The following QPCTL variants were observed in gnomAD, a reference collection of about 807,000 sequenced individuals.
QPCTL encodes glutaminyl-peptide cyclotransferase-like protein.
Under a neutral mutation model 34.6 loss-of-function variants are expected in QPCTL, and 31 were observed. The ratio of observed to expected loss-of-function variants is 0.90; its 90% CI spans 0.67 to 1.21. QPCTL has a LOEUF of 1.21. QPCTL is among the 50% of genes most tolerant of loss of function. The pLI is 0.00. For missense variants in QPCTL, 474 were observed against 507.8 expected (o/e 0.93, Z 0.64); for synonymous variants, 223 against 226.9 (o/e 0.98, Z 0.15).
Position 45,703,808 on chromosome 19 carries a change from C to T in QPCTL, c.*759C>T, listed in dbSNP as rs1967852191. 1 of 151,876 alleles carries T rather than the reference C, an allele frequency of 6.6e-6. No homozygotes were observed. Among genetic ancestry groups the T allele is most frequent in the African/African-American group, 2.4e-5 (1 of 41,368 alleles). The allele number at this position is 151,876 out of a possible 1,614,324, so 9.4% of individuals were successfully genotyped here. A position where few individuals can be genotyped will look rare whatever the true frequency, so the allele number is the denominator to read the frequency against. On this transcript the variant is annotated 3_prime_UTR_variant, in exon 7 of 7. Transcript: ENST00000012049. ...TCTCTACTAAAAATACAATAATTAG[C>T]TGGGCATGGTGGTGGGCGCCTGTAA... is the stretch of plus-strand genomic sequence containing the variant.
At chr19:45,698,206 C>T (rs1259826426) in intron 3 of QPCTL, among the ~76,000 whole-genome samples, 1 of 151,368 alleles carries the variant, frequency 6.6e-6, no homozygotes, top group Admixed American at 6.6e-5. Context: ...GTCAAGATTG[C>T]ATCATTCCAC....
In QPCTL at chr19:45,692,712, C is replaced by T. The variant is rs780880329; in HGVS notation, c.9C>T (p.Ser3=). The change falls in exon 1 of 7, where the codon TCC becomes TCT. Residue 3 remains serine, a synonymous_variant. Transcript: ENST00000012049. MR[S]GGRGRPRLRL... The stretch of plus-strand genomic sequence containing the variant: ...TTCAGGGCAAAGCGGCCATGCGTTC[C>T]GGGGGCCGCGGGCGACCCCGCCTGC... The T allele has an allele frequency of 1.0e-5, 16 of 1,547,154 alleles. 1 individual carries two copies. The South Asian group carries it at 1.3e-4, about 13-fold the overall frequency.
At chr19:45,698,038 T>G (rs886887824) in intron 3 of QPCTL, among the ~76,000 whole-genome samples, 2 of 151,540 alleles carry the variant, frequency 1.3e-5, no homozygotes, top group African/African-American at 4.9e-5. Flanking sequence ...AGGTCAGGAG[T>G]TCGAGACCAG....
rs1281740938 is a variant in QPCTL at position 45,692,690 on chromosome 19, A to G, written c.-14A>G. On this transcript the variant is annotated 5_prime_UTR_variant, in exon 1 of 7. Transcript: ENST00000012049. ...CAATCCGTGGTCTGGTACAGGTTTC[A>G]GGGCAAAGCGGCCATGCGTTCCGGG... 1 of 1,525,354 alleles carries G rather than the reference A, an allele frequency of 6.6e-7. No individual in the cohort carries two copies. The highest frequency in any genetic ancestry group is 8.8e-7 in the Non-Finnish European group (1 of 1,134,098). 94.5% of individuals were successfully genotyped at this position (1,525,354 alleles called of 1,614,324 possible). A position where few individuals can be genotyped will look rare whatever the true frequency, so the allele number is the denominator to read the frequency against.
chr19:45,693,687 C>T, intron 2 of QPCTL, 131 bp downstream of exon 2: 3 of 1,297,096 alleles, frequency 2.3e-6, no homozygotes, highest in Non-Finnish European at 3.1e-6. Flanking sequence ...GGACTCTAGA[C>T]TCCATGCTGG....
rs35011463 is a variant in QPCTL at position 45,699,931 on chromosome 19, C to CAAA, written c.886+1049_886+1051dup. Among the ~76,000 whole-genome samples, 247 of 90,040 alleles carry CAAA rather than the reference C, an allele frequency of 2.7e-3. 5 individuals are homozygous for CAAA. Among genetic ancestry groups the CAAA allele is most frequent in the African/African-American group, 0.011 (229 of 20,830 alleles). 59.1% of individuals were successfully genotyped at this position (90,040 alleles called of 152,430 possible). A position where few individuals can be genotyped will look rare whatever the true frequency, so the allele number is the denominator to read the frequency against. ...TGGGCAACAGAGCGAGACTCCATCT[C>CAAA]AAAAAAAAAAAAAAAAAAAATTAGC... is the stretch of plus-strand genomic sequence containing the variant. On this transcript the variant is annotated intron_variant, in intron 5 of 6. Coordinates refer to ENST00000012049, the MANE Select transcript of QPCTL (RefSeq NM_017659.4).
intron 2 of QPCTL, among the ~76,000 whole-genome samples, chr19:45,693,947 T>C (rs899284428): frequency 1.2e-4 from 19 of 152,130 alleles, no homozygotes; most frequent in Admixed American, 1.1e-3. Flanking sequence ...GGTGGAAGAA[T>C]CACCTGAGAA....
intron 3 of QPCTL, among the ~76,000 whole-genome samples, chr19:45,698,012 G>T (rs539771908): frequency 6.6e-6 from 1 of 152,252 alleles, no homozygotes; most frequent in Admixed American, 6.6e-5. Flanking sequence ...GGAGGCTGAG[G>T]TAGGTGGATC....
chr19:45,701,112 G>A (rs928821987), intron 5 of QPCTL, among the ~76,000 whole-genome samples: 13 of 104,696 alleles, frequency 1.2e-4, no homozygotes, highest in South Asian at 3.3e-4. Flanking sequence ...CTACACACAC[G>A]CGCACACACA....
chr19:45,695,903 A>G (rs187669867), intron 3 of QPCTL, among the ~76,000 whole-genome samples, 185 bp downstream of exon 3: 5 of 150,360 alleles, frequency 3.3e-5, no homozygotes, highest in Admixed American at 3.3e-4. Context: ...TGGAGTGCAC[A>G]TGGCGAGATC....
At chr19:45,697,425 CAA>C (rs36004965) in intron 3 of QPCTL, among the ~76,000 whole-genome samples, 9 of 129,544 alleles carry the variant, frequency 6.9e-5, no homozygotes, top group African/African-American at 8.6e-5. Flanking sequence ...GACTCCGTCT[CAA>C]AAAAAAAAAA....
intron 6 of QPCTL, among the ~76,000 whole-genome samples, 159 bp from the exon 7 acceptor site, chr19:45,702,745 C>G (rs1967833601): frequency 6.7e-6 from 1 of 148,860 alleles, no homozygotes; most frequent in African/African-American, 2.5e-5. Flanking sequence ...GCCTGGGCGA[C>G]AGAGTGAGAC....
rs1967602708 is a variant in QPCTL, at chr19:45,692,920, GGCGGGGACCCGGGCACC to G, written c.207+21_207+37del. 2 of 1,532,896 alleles carry G rather than the reference GGCGGGGACCCGGGCACC, an allele frequency of 1.3e-6. No homozygotes were observed. The highest frequency in any genetic ancestry group is 1.2e-5 in the South Asian group (1 of 83,480). The allele number at this position is 1,532,896 out of a possible 1,614,324, so 95.0% of individuals were successfully genotyped here. ...GGGCCGGGAGCTGCGGGTGAGGCTG[GGCGGGGACCCGGGCACC>G]GCGGGGACCCTCATTCCCTCCCCGC... On this transcript the variant is annotated intron_variant, in intron 1 of 6. Transcript: ENST00000012049.
intron 5 of QPCTL, among the ~76,000 whole-genome samples, chr19:45,700,759 G>A (rs1967793985): frequency 6.6e-6 from 1 of 151,982 alleles, no homozygotes; most frequent in Admixed American, 6.6e-5. Context: ...AGCAGTTCGA[G>A]ACCAGCTTGG....
In QPCTL at chr19:45,703,337, CT is replaced by C. The variant is rs11360726; in HGVS notation, c.*299del. 4,910 of 246,380 alleles carry C rather than the reference CT, an allele frequency of 0.02. 46 individuals are homozygous for C. The highest frequency in any genetic ancestry group is 0.048 in the African/African-American group (2,071 of 43,514). The allele number at this position is 246,380 out of a possible 1,614,324, so 15.3% of individuals were successfully genotyped here. On this transcript the variant is annotated 3_prime_UTR_variant, in exon 7 of 7. Transcript: ENST00000012049. Reference sequence around the variant, plus strand: ...AGGTTTGCAGGGACCAAATACTGTTCTTTTTTTTTTTGAGACGGAGTCTCAC... The same window carrying C: ...AGGTTTGCAGGGACCAAATACTGTTCTTTTTTTTTTGAGACGGAGTCTCAC...
chr19:45,699,621 T>C (rs1177189242), intron 5 of QPCTL, among the ~76,000 whole-genome samples: 1 of 151,446 alleles, frequency 6.6e-6, no homozygotes, highest in Non-Finnish European at 1.5e-5. Context: ...GGCGAAACCC[T>C]GTCTCTACAA....
rs1183907064 is a variant in QPCTL at position 45,692,715 on chromosome 19, G to T, written c.12G>T (p.Gly4=). The change falls in exon 1 of 7, where the codon GGG becomes GGT. Residue 4 remains glycine, a synonymous_variant. Transcript: ENST00000012049. ...AGGGCAAAGCGGCCATGCGTTCCGG[G>T]GGCCGCGGGCGACCCCGCCTGCGGC... MRS[G]GRGRPRLRLG... The T allele has an allele frequency of 6.5e-7, 1 of 1,549,196 alleles. No individual in the cohort carries two copies. Among genetic ancestry groups the T allele is most frequent in the Non-Finnish European group, 8.7e-7 (1 of 1,146,496 alleles).
intron 5 of QPCTL, 87 bp from the exon 6 acceptor site, chr19:45,701,711 G>C: frequency 1.0e-6 from 1 of 999,242 alleles, no homozygotes; most frequent in Non-Finnish European, 1.5e-6. Flanking sequence ...CTTTGTCTCT[G>C]GGTGCTCTGC....
In QPCTL at chr19:45,695,673, G is replaced by A. The variant is rs1568537704; in HGVS notation, c.588G>A (p.Glu196=). 37 of 1,613,394 alleles carry A rather than the reference G, an allele frequency of 2.3e-5. No homozygotes were observed. Among genetic ancestry groups the A allele is most frequent in the Non-Finnish European group, 3.1e-5 (36 of 1,179,906 alleles). ...DSAVPCALLL[E]LAQALDLELS... ...CTGTGCCCTGTGCCCTGCTGCTGGA[G>A]CTGGCCCAAGCACTTGACCTGGAGC... Residue 196 remains glutamate, a synonymous_variant, in exon 3 of 7, where the codon GAG becomes GAA. Coordinates refer to ENST00000012049, the MANE Select transcript of QPCTL (RefSeq NM_017659.4).
Sources: gnomAD v4.1 joint callset for allele counts (sites outside exome capture counted in the v4.1 genomes callset) on GRCh38, gnomAD v4.1.1 for gene constraint, MANE v1.5 for transcripts, NCBI Gene and HGNC (gene_info 2026-07-23, HGNC 2026-07-21) for gene names.